The following WDR75 variants were observed in gnomAD, a reference collection of about 807,000 sequenced individuals.
WDR75 encodes the protein WD repeat domain 75.
In WDR75, 52 loss-of-function variants were observed where a neutral mutation model predicts 106.1. The observed-to-expected ratio is 0.49, with a 90% confidence interval of 0.39 to 0.62. The LOEUF (loss-of-function observed/expected upper bound fraction) is 0.62, where lower values mean the gene tolerates loss of function less well. Among genes scored for constraint, WDR75 ranks in the 20% least tolerant of loss-of-function variants. The pLI is 0.00. For synonymous variants in WDR75, 333 were observed against 335.5 expected (o/e 0.99, Z 0.08); for missense variants, 905 against 970.3 (o/e 0.93, Z 0.89).
At chr2:189,448,584 G>C in intron 2 of WDR75, 76 bp downstream of exon 2, 1 of 1,554,106 alleles carries the variant, frequency 6.4e-7, no homozygotes, top group Admixed American at 1.9e-5. Flanking sequence ...GAATTTGACT[G>C]AGAAACTTTC....
At chr2:189,452,386 C>T (rs1052138186) in intron 4 of WDR75, among the ~76,000 whole-genome samples, 2 of 152,038 alleles carry the variant, frequency 1.3e-5, no homozygotes, top group Admixed American at 1.3e-4. Context: ...GGTGAAACCC[C>T]GTCTCTACTA....
intron 5 of WDR75, among the ~76,000 whole-genome samples, chr2:189,456,075 T>C (rs1686729597): frequency 6.6e-6 from 1 of 152,236 alleles, no homozygotes; most frequent in Non-Finnish European, 1.5e-5. Context: ...TTCTTTAGTC[T>C]TAAGTTTTAT....
chr2:189,450,368 GTT>G (rs34244444), intron 2 of WDR75: 13 of 973,420 alleles, frequency 1.3e-5, no homozygotes, highest in South Asian at 4.7e-5. Context: ...TTTGGTTTTG[GTT>G]TTTTTTTCTG....
intron 1 of WDR75, among the ~76,000 whole-genome samples, chr2:189,447,417 G>C (rs961452760): frequency 1.3e-5 from 2 of 152,208 alleles, no homozygotes; most frequent in Non-Finnish European, 2.9e-5. Context: ...GTATTTTTCT[G>C]TACAAAAGGC....
At chr2:189,464,964 C>T (rs978199197) in intron 11 of WDR75, 115 bp from the exon 12 acceptor site, 35 of 724,314 alleles carry the variant, frequency 4.8e-5, no homozygotes, top group Non-Finnish European at 6.9e-5. Flanking sequence ...AAATCTATTA[C>T]TATACAGTAC....
intron 4 of WDR75, among the ~76,000 whole-genome samples, chr2:189,452,431 A>G (rs1269562753): frequency 6.6e-6 from 1 of 151,954 alleles, no homozygotes; most frequent in Non-Finnish European, 1.5e-5. Flanking sequence ...GTATGGTGGC[A>G]GGCACCTGTA....
Position 189,470,205 on chromosome 2 carries a change from G to A in WDR75, c.1949G>A (p.Trp650Ter). Reference sequence around the variant, plus strand: ...TCCTTCACCTCAGAAGCTTACCAGTGGCTAAATAGATCCCAGTTTTACTTC... The same window carrying A: ...TCCTTCACCTCAGAAGCTTACCAGTAGCTAAATAGATCCCAGTTTTACTTC... The part of the protein sequence containing the change: ...PESFTSEAYQ[W>*]LNRSQFYFLT... The change falls in exon 17 of 21, where the codon TGG becomes TAG. Residue 650 changes from tryptophan (W) to a stop codon, truncating the protein, a stop_gained. Coordinates refer to ENST00000314761, the MANE Select transcript of WDR75 (RefSeq NM_032168.3). LOFTEE classifies it high-confidence loss of function. 6.2e-7 allele frequency: 1 copy of A among 1,612,686 alleles called. No individual in the cohort carries two copies. The highest frequency in any genetic ancestry group is 8.5e-7 in the Non-Finnish European group (1 of 1,179,284).
At chr2:189,468,613 GGAGTTGACATTA>G (rs1379976997) in intron 15 of WDR75, 44 bp downstream of exon 15, 3 of 1,591,304 alleles carry the variant, frequency 1.9e-6, no homozygotes, top group Non-Finnish European at 2.6e-6. Flanking sequence ...AAGCGCATAA[GGAGTTGACATTA>G]AACTTTGGCA....
Position 189,465,783 on chromosome 2 carries a change from G to T in WDR75, c.1289+529G>T, listed in dbSNP as rs559214531. On this transcript the variant is annotated intron_variant, in intron 12 of 20. Coordinates refer to ENST00000314761, the MANE Select transcript of WDR75 (RefSeq NM_032168.3). ...ATAAGCCTGTTGTCTATATTTTATA[G>T]GTGAAGAAACAGGCCCAGAGAGATT... Among the ~76,000 whole-genome samples, 3 of 152,212 alleles carry T rather than the reference G, an allele frequency of 2.0e-5. No homozygotes were observed. The East Asian group carries it at 5.8e-4, about 29-fold the overall frequency.
Position 189,467,519 on chromosome 2 carries a change from A to G in WDR75, c.1499A>G (p.Gln500Arg), listed in dbSNP as rs1687027413. The change falls in exon 14 of 21, where the codon CAA becomes CGA. Residue 500 changes from glutamine (Q) to arginine (R), a missense_variant. Coordinates refer to ENST00000314761, the MANE Select transcript of WDR75 (RefSeq NM_032168.3). ...TTTGTTGGTAGTTATCACAAGTATC[A>G]AGCAACTAACTGTTGTTTCTCCGAA... ...CDFVGSYHKY[Q>R]ATNCCFSEDG... 1.2e-6 allele frequency: 2 copies of G among 1,608,378 alleles called. No homozygotes were observed. Among genetic ancestry groups the G allele is most frequent in the South Asian group, 2.2e-5 (2 of 89,728 alleles).
intron 13 of WDR75, 21 bp downstream of exon 13, chr2:189,466,603 T>C (rs369355231): frequency 1.9e-6 from 3 of 1,581,174 alleles, no homozygotes; most frequent in African/African-American, 2.7e-5. Context: ...AAATATGTTA[T>C]GTTTAAAGTG....
intron 18 of WDR75, among the ~76,000 whole-genome samples, chr2:189,473,409 G>A (rs1036377986): frequency 6.6e-6 from 1 of 152,088 alleles, no homozygotes; most frequent in Non-Finnish European, 1.5e-5. Context: ...GTTATTCCAA[G>A]GTTAGCTGTA....
intron 2 of WDR75, chr2:189,449,948 C>T (rs1558981751): frequency 1.0e-5 from 10 of 984,704 alleles, no homozygotes; most frequent in African/African-American, 1.7e-5. Context: ...CCTATAACAA[C>T]GACAACAAAA....
At chr2:189,452,751 T>C (rs1001707857) in intron 4 of WDR75, among the ~76,000 whole-genome samples, 3 of 152,160 alleles carry the variant, frequency 2.0e-5, no homozygotes, top group Admixed American at 6.5e-5. Flanking sequence ...AACACTGACA[T>C]GAGGACACAT....
chr2:189,475,026 A>G (rs546358780), intron 20 of WDR75, among the ~76,000 whole-genome samples, 187 bp from the exon 21 acceptor site: 1 of 152,322 alleles, frequency 6.6e-6, no homozygotes, highest in Admixed American at 6.5e-5. Context: ...CTTGGTACAT[A>G]ATTTAAAATT....
intron 18 of WDR75, among the ~76,000 whole-genome samples, chr2:189,473,096 T>C (rs893850330): frequency 6.6e-6 from 1 of 152,002 alleles, no homozygotes. Flanking sequence ...TGCATGCCTG[T>C]AATCCCACCT....
chr2:189,462,803 A>G (rs562391054), intron 9 of WDR75, among the ~76,000 whole-genome samples, 161 bp downstream of exon 9: 24 of 152,068 alleles, frequency 1.6e-4, no homozygotes, highest in Admixed American at 9.2e-4. Context: ...ACCCCTCTCT[A>G]CCCCTAGGCA....
At chr2:189,460,934 A>C (rs548904088) in intron 8 of WDR75, among the ~76,000 whole-genome samples, 217 of 152,328 alleles carry the variant, frequency 1.4e-3, no homozygotes, top group African/African-American at 4.9e-3. Context: ...TTAGAAAAAG[A>C]AAAAATAGCT....
At chr2:189,452,226 T>G (rs1249381904) in intron 4 of WDR75, among the ~76,000 whole-genome samples, 2 of 152,160 alleles carry the variant, frequency 1.3e-5, no homozygotes, top group Non-Finnish European at 1.5e-5. Context: ...CATTGAACAC[T>G]TCTCACTTTC....
Sources: gnomAD v4.1 joint callset for allele counts (sites outside exome capture counted in the v4.1 genomes callset) on GRCh38, gnomAD v4.1.1 for gene constraint, MANE v1.5 for transcripts, NCBI Gene and HGNC (gene_info 2026-07-23, HGNC 2026-07-21) for gene names.